Variants in DOCK1 observed in about 807,000 individuals in gnomAD.
DOCK1 encodes the protein dedicator of cytokinesis 1, also known as dedicator of cytokinesis protein 1.
A neutral mutation model predicts 262.7 loss-of-function variants in DOCK1; 138 were observed. That is an observed-to-expected ratio of 0.53 (90% confidence interval 0.46 to 0.61). DOCK1 has a LOEUF of 0.61. Ranked by LOEUF, DOCK1 falls within the 20% of genes least tolerant of loss-of-function variation. The pLI, the probability that DOCK1 is intolerant of heterozygous loss-of-function variation, is 0.00. For synonymous variants in DOCK1, 866 were observed against 867.4 expected (o/e 1.00, Z 0.03); for missense variants, 1,908 against 2,370.7 (o/e 0.80, Z 4.05).
intron 6 of DOCK1, among the ~76,000 whole-genome samples, chr10:126,996,017 T>C (rs537771529): frequency 1.1e-4 from 17 of 152,202 alleles, no homozygotes; most frequent in African/African-American, 4.1e-4. Context: ...AACTGCCAGC[T>C]ATGTGTTTGG....
chr10:126,992,088 A>T (rs2039830110), intron 6 of DOCK1, among the ~76,000 whole-genome samples: 1 of 152,208 alleles, frequency 6.6e-6, no homozygotes, highest in Admixed American at 6.5e-5. Flanking sequence ...TATGAGCAAG[A>T]TGTAGGGTTT....
intron 1 of DOCK1, among the ~76,000 whole-genome samples, chr10:126,914,792 A>C (rs1354363400): frequency 1.3e-5 from 2 of 152,186 alleles, no homozygotes; most frequent in Non-Finnish European, 2.9e-5. Context: ...GGCTTCATAC[A>C]ATACAAGTTT....
At chr10:127,408,061 G>A (rs1384090674) in intron 40 of DOCK1, among the ~76,000 whole-genome samples, 2 of 152,080 alleles carry the variant, frequency 1.3e-5, no homozygotes, top group African/African-American at 4.8e-5. Context: ...GGAAAAAAAC[G>A]GAGACCTGTT....
chr10:127,047,610 C>A (rs577333551), intron 21 of DOCK1, among the ~76,000 whole-genome samples: 1 of 145,962 alleles, frequency 6.9e-6, no homozygotes, highest in East Asian at 2.1e-4. Context: ...GAACTACTGC[C>A]CAAAACAAGA....
At chr10:127,104,515 G>A (rs867263212) in intron 23 of DOCK1, among the ~76,000 whole-genome samples, 22 of 152,280 alleles carry the variant, frequency 1.4e-4, no homozygotes, top group Admixed American at 4.6e-4. Flanking sequence ...TCCATCAACC[G>A]TCTGTATATG....
chr10:127,290,865 C>A (rs2720994), intron 29 of DOCK1, among the ~76,000 whole-genome samples: 107,488 of 152,218 alleles, frequency 0.71, 39,462 homozygotes, highest in African/African-American at 0.92. Context: ...GGTTATTTTG[C>A]ATAAAGCTGC....
At chr10:126,929,869 A>G (rs1371144459) in intron 1 of DOCK1, among the ~76,000 whole-genome samples, 1 of 152,216 alleles carries the variant, frequency 6.6e-6, no homozygotes, top group Non-Finnish European at 1.5e-5. Flanking sequence ...AGTGGCATTT[A>G]GAAGGTCACA....
chr10:127,150,143 G>A (rs1055138450), intron 27 of DOCK1, among the ~76,000 whole-genome samples: 4 of 152,182 alleles, frequency 2.6e-5, no homozygotes, highest in African/African-American at 7.2e-5. Context: ...CTATACTTCC[G>A]AGATGCTGTG....
intron 47 of DOCK1, among the ~76,000 whole-genome samples, chr10:127,427,571 T>G (rs948942370): frequency 2.6e-5 from 4 of 152,046 alleles, no homozygotes; most frequent in African/African-American, 9.7e-5. Flanking sequence ...CATGGGAAGG[T>G]AAGTAGGTCA....
intron 9 of DOCK1, among the ~76,000 whole-genome samples, chr10:126,999,909 T>C (rs972426586): frequency 6.6e-6 from 1 of 152,202 alleles, no homozygotes; most frequent in African/African-American, 2.4e-5. Flanking sequence ...ACTCCTGACC[T>C]CGTGATCCAC....
At chr10:127,075,738 G>A (rs144843458) in intron 23 of DOCK1, among the ~76,000 whole-genome samples, 79 of 152,186 alleles carry the variant, frequency 5.2e-4, no homozygotes, top group South Asian at 1.7e-3. Flanking sequence ...ACGGCAAGGG[G>A]GAGGTCTGCC....
chr10:127,275,591 C>A (rs371572305), intron 29 of DOCK1, among the ~76,000 whole-genome samples: 2 of 151,878 alleles, frequency 1.3e-5, no homozygotes, highest in African/African-American at 4.8e-5. Flanking sequence ...TGGAGATGAG[C>A]GGATGATGGG....
intron 29 of DOCK1, among the ~76,000 whole-genome samples, chr10:127,309,179 A>G (rs967637040): frequency 6.7e-6 from 1 of 150,314 alleles, no homozygotes; most frequent in Non-Finnish European, 1.5e-5. Context: ...GCATTTCTCT[A>G]ATGATCAGTG....
chr10:127,192,198 G>A, intron 27 of DOCK1, among the ~76,000 whole-genome samples: 1 of 152,148 alleles, frequency 6.6e-6, no homozygotes, highest in East Asian at 1.9e-4. Context: ...GTGGTAAAGA[G>A]AACATGTCTA....
rs184277077 is a variant in DOCK1 at position 126,978,738 on chromosome 10, C to T, written c.171+750C>T. ...TGTTTTAATATCTAATTATGTTTGA[C>T]GGATGGTTCATTTTACTTTTGTGTC... On this transcript the variant is annotated intron_variant, in intron 3 of 51. Transcript: ENST00000623213. Among the ~76,000 whole-genome samples the T allele has an allele frequency of 3.9e-5, 6 of 152,240 alleles. No homozygotes were observed. In the East Asian group the frequency reaches 9.7e-4, roughly 25 times the overall value.
In DOCK1 at chr10:127,127,732, G is replaced by A. The variant is rs200822411; in HGVS notation, c.2815G>A (p.Val939Ile). 8.1e-5 allele frequency: 130 copies of A among 1,612,912 alleles called. No individual in the cohort carries two copies. The highest frequency in any genetic ancestry group is 1.6e-4 in the Middle Eastern group (1 of 6,080). ...ACTTCTCCGGACCGTGAACCGAACC[G>A]TCATTTCCATGGGACGAGATTCTGA... ...EKLLRTVNRT[V>I]ISMGRDSELI... is the part of the protein sequence containing the mutation. The change falls in exon 27 of 52, where the codon GTC (valine) becomes ATC (isoleucine). Residue 939 changes from valine to isoleucine, a missense_variant. This residue lies in a region of DOCK1 where 518 missense variants were observed against 575.1 expected (regional missense o/e 0.90). Coordinates refer to ENST00000623213, the MANE Select transcript of DOCK1 (RefSeq NM_001290223.2).
At chr10:127,301,576 T>C (rs141972088) in intron 29 of DOCK1, among the ~76,000 whole-genome samples, 2 of 152,332 alleles carry the variant, frequency 1.3e-5, no homozygotes, top group African/African-American at 4.8e-5. Context: ...TAGGTTTTAG[T>C]ATTTATTTGG....
At chr10:127,319,393 A>C (rs1234090285) in intron 29 of DOCK1, among the ~76,000 whole-genome samples, 1 of 152,246 alleles carries the variant, frequency 6.6e-6, no homozygotes, top group Non-Finnish European at 1.5e-5. Context: ...AATACAGATT[A>C]TATTTTCAAT....
At chr10:126,910,598 C>T (rs1000427745) in intron 1 of DOCK1, among the ~76,000 whole-genome samples, 1 of 152,144 alleles carries the variant, frequency 6.6e-6, no homozygotes, top group South Asian at 2.1e-4. Flanking sequence ...TCAGGGAGAT[C>T]ATGAGTAGCC....
Sources: gnomAD v4.1 joint callset for allele counts (sites outside exome capture counted in the v4.1 genomes callset) on GRCh38, gnomAD v4.1.1 for gene constraint, gnomAD v4.1.1 regional missense constraint, MANE v1.5 for transcripts, NCBI Gene and HGNC (gene_info 2026-07-23, HGNC 2026-07-21) for gene names.